Variants in RBFOX1 observed in about 807,000 individuals in gnomAD.
The protein encoded by RBFOX1 is RNA binding protein fox-1 homolog 1.
Under a neutral mutation model 57.7 loss-of-function variants are expected in RBFOX1, and 8 were observed. The ratio of observed to expected loss-of-function variants is 0.14; its 90% CI spans 0.08 to 0.25. The LOEUF (loss-of-function observed/expected upper bound fraction) is 0.25, where lower values mean the gene tolerates loss of function less well. Among genes scored for constraint, RBFOX1 ranks in the 10% least tolerant of loss-of-function variants. RBFOX1 has a pLI of 1.00. For missense variants in RBFOX1, 611 were observed against 548.5 expected (o/e 1.11, Z -1.14); for synonymous variants, 326 against 222.4 (o/e 1.47, Z -4.15).
chr16:5,771,424 C>T (rs2053972275), intron 3 of RBFOX1, among the ~76,000 whole-genome samples: 1 of 151,592 alleles, frequency 6.6e-6, no homozygotes, highest in Non-Finnish European at 1.5e-5. Context: ...GTTTTGTTTT[C>T]TTGAGGTGGA....
chr16:5,408,544 C>T (rs2066924819), intron 1 of RBFOX1, among the ~76,000 whole-genome samples: 1 of 152,194 alleles, frequency 6.6e-6, no homozygotes, highest in Non-Finnish European at 1.5e-5. Flanking sequence ...CTGGACCATT[C>T]CTCTGGATGG....
intron 3 of RBFOX1, among the ~76,000 whole-genome samples, chr16:5,816,788 A>G (rs7194936): frequency 0.011 from 1,687 of 152,298 alleles, 34 homozygotes; most frequent in African/African-American, 0.039. Flanking sequence ...GTCTCAAAAA[A>G]GAAATTATAT....
chr16:6,979,575 G>C (rs982573665), intron 3 of RBFOX1, among the ~76,000 whole-genome samples: 1 of 152,148 alleles, frequency 6.6e-6, no homozygotes, highest in Non-Finnish European at 1.5e-5. Flanking sequence ...GAGATAGCAG[G>C]ATTGCAGCAC....
chr16:7,261,779 C>T (rs574505988), intron 4 of RBFOX1, among the ~76,000 whole-genome samples: 1 of 152,256 alleles, frequency 6.6e-6, no homozygotes, highest in South Asian at 2.1e-4. Flanking sequence ...TCACGAGAGC[C>T]TGACACTAAG....
chr16:7,135,623 T>C (rs2071705436), intron 4 of RBFOX1, among the ~76,000 whole-genome samples: 1 of 152,252 alleles, frequency 6.6e-6, no homozygotes, highest in South Asian at 2.1e-4. Context: ...GTTGTTAATT[T>C]AATTGCCGCT....
intron 4 of RBFOX1, among the ~76,000 whole-genome samples, chr16:7,228,893 T>C (rs2093318288): frequency 6.6e-6 from 1 of 152,176 alleles, no homozygotes; most frequent in Admixed American, 6.5e-5. Context: ...CGTTATCTGT[T>C]GCATTTTGAG....
At chr16:5,617,410 A>G (rs2048065606) in intron 3 of RBFOX1, among the ~76,000 whole-genome samples, 1 of 152,146 alleles carries the variant, frequency 6.6e-6, no homozygotes, top group African/African-American at 2.4e-5. Flanking sequence ...CAGCAGTCAA[A>G]GCCAGCCTTG....
At chr16:6,035,957 T>C (rs2095359730) in intron 1 of RBFOX1, among the ~76,000 whole-genome samples, 1 of 152,172 alleles carries the variant, frequency 6.6e-6, no homozygotes, top group Non-Finnish European at 1.5e-5. Context: ...TTTGTAACAG[T>C]AATTGGGTGC....
chr16:7,433,672 A>G (rs946002710), intron 4 of RBFOX1, among the ~76,000 whole-genome samples: 1 of 152,200 alleles, frequency 6.6e-6, no homozygotes, highest in Admixed American at 6.5e-5. Flanking sequence ...TCAGAGATAG[A>G]AAAATTCATC....
chr16:7,435,353 G>A (rs562315585), intron 4 of RBFOX1, among the ~76,000 whole-genome samples: 16 of 152,198 alleles, frequency 1.1e-4, no homozygotes, highest in South Asian at 6.2e-4. Flanking sequence ...CAGAGACAGC[G>A]TGCCATTTGT....
rs574130953 is a variant in RBFOX1 at position 7,594,824 on chromosome 16, C to T, written c.469-725C>T. On this transcript the variant is annotated intron_variant, in intron 7 of 15. Transcript: ENST00000550418. ...GATGGAAGGTTGTCAAATTCAAAAG[C>T]GTGTATGCAATTTGAAGAGTGGGGA... is the stretch of plus-strand genomic sequence containing the variant. Among the ~76,000 whole-genome samples, 566 of 152,190 alleles carry T rather than the reference C, an allele frequency of 3.7e-3. 2 individuals are homozygous for T. Among genetic ancestry groups the T allele is most frequent in the Middle Eastern group, 0.017 (5 of 294 alleles).
At chr16:6,639,963 C>T (rs915830708) in intron 2 of RBFOX1, among the ~76,000 whole-genome samples, 1 of 152,152 alleles carries the variant, frequency 6.6e-6, no homozygotes, top group Admixed American at 6.5e-5. Flanking sequence ...TGTCAGCACT[C>T]TGTATAGCTT....
chr16:6,209,924 T>C (rs1168420327), intron 1 of RBFOX1, among the ~76,000 whole-genome samples: 3 of 152,238 alleles, frequency 2.0e-5, no homozygotes, highest in African/African-American at 7.2e-5. Flanking sequence ...CTATTATTGG[T>C]GACAAGAGCT....
intron 5 of RBFOX1, among the ~76,000 whole-genome samples, chr16:7,553,015 C>A (rs771711896): frequency 6.6e-5 from 10 of 151,988 alleles, no homozygotes; most frequent in Non-Finnish European, 1.2e-4. Context: ...CCTTCTCTTT[C>A]CTCTCAGTAA....
At chr16:5,395,655 G>A (rs2066531319) in intron 1 of RBFOX1, among the ~76,000 whole-genome samples, 1 of 152,192 alleles carries the variant, frequency 6.6e-6, no homozygotes, top group African/African-American at 2.4e-5. Context: ...CGTTGCATGT[G>A]GATGGGACCT....
intron 4 of RBFOX1, among the ~76,000 whole-genome samples, chr16:7,317,509 G>C (rs111965465): frequency 0.035 from 5,394 of 152,150 alleles, 197 homozygotes; most frequent in African/African-American, 0.093. Context: ...TCACCATCAC[G>C]AAGCAACTGG....
At chr16:7,241,962 T>C (rs79712595) in intron 4 of RBFOX1, among the ~76,000 whole-genome samples, 1 of 152,162 alleles carries the variant, frequency 6.6e-6, no homozygotes, top group Non-Finnish European at 1.5e-5. Flanking sequence ...TGTGTATATA[T>C]TTAAGGGTTT....
At chr16:6,937,495 A>C in intron 3 of RBFOX1, among the ~76,000 whole-genome samples, 1 of 152,284 alleles carries the variant, frequency 6.6e-6, no homozygotes, top group East Asian at 1.9e-4. Context: ...TCTGAGTGAC[A>C]TAGGAGTGAC....
intron 3 of RBFOX1, among the ~76,000 whole-genome samples, chr16:6,731,132 A>G (rs927690908): frequency 3.3e-5 from 5 of 152,166 alleles, no homozygotes; most frequent in African/African-American, 9.7e-5. Flanking sequence ...GAATTAGAAG[A>G]TGAATACAGA....
Sources: allele counts gnomAD v4.1 joint callset (sites outside exome capture counted in the v4.1 genomes callset), GRCh38; gene constraint gnomAD v4.1.1; transcripts MANE v1.5; gene names NCBI Gene and HGNC (gene_info 2026-07-23, HGNC 2026-07-21).